Variants in JAZF1 observed in about 807,000 individuals in gnomAD.
The protein encoded by JAZF1 is juxtaposed with another zinc finger protein 1.
A neutral mutation model predicts 26.4 loss-of-function variants in JAZF1; 8 were observed. That is an observed-to-expected ratio of 0.30 (90% CI 0.18 to 0.55). JAZF1 has a LOEUF of 0.55. JAZF1 is among the 20% of genes least tolerant of loss of function. The pLI is 0.94. For synonymous variants in JAZF1, 126 were observed against 122.3 expected (o/e 1.03, Z -0.20); for missense variants, 199 against 322.0 (o/e 0.62, Z 2.92).
intron 1 of JAZF1, among the ~76,000 whole-genome samples, chr7:28,125,384 G>A (rs1782678682): frequency 6.6e-6 from 1 of 152,174 alleles, no homozygotes; most frequent in Admixed American, 6.5e-5. Context: ...GGGGGAAAAA[G>A]TGCAGCACAA....
chr7:28,120,520 T>TTTTTTC (rs1782584749), intron 1 of JAZF1, among the ~76,000 whole-genome samples: 1 of 97,576 alleles, frequency 1.0e-5, no homozygotes, highest in African/African-American at 4.9e-5. Flanking sequence ...TTTTTTTTTT[T>TTTTTTC]TTTTTTGAGA....
intron 1 of JAZF1, among the ~76,000 whole-genome samples, chr7:28,000,622 C>CTTTTTTTTTTTT (rs1190147547): frequency 1.6e-5 from 1 of 62,072 alleles, no homozygotes; most frequent in African/African-American, 4.1e-5. Flanking sequence ...TTCTTTCTTT[C>CTTTTTTTTTTTT]TTTTTTTTTT....
At chr7:28,039,507 A>G (rs527486102) in intron 1 of JAZF1, among the ~76,000 whole-genome samples, 1 of 152,296 alleles carries the variant, frequency 6.6e-6, no homozygotes, top group African/African-American at 2.4e-5. Flanking sequence ...GCAAATACCA[A>G]TATTATAACT....
chr7:28,006,976 G>A (rs1330806278), intron 1 of JAZF1, among the ~76,000 whole-genome samples: 1 of 152,062 alleles, frequency 6.6e-6, no homozygotes, highest in African/African-American at 2.4e-5. Flanking sequence ...GTTCTTGTAT[G>A]ACCCAACATC....
At chr7:28,070,503 C>G (rs1783959073) in intron 1 of JAZF1, among the ~76,000 whole-genome samples, 1 of 152,226 alleles carries the variant, frequency 6.6e-6, no homozygotes, top group Admixed American at 6.5e-5. Context: ...CCAAACAGAA[C>G]AGATGTTTCT....
chr7:28,080,959 G>A (rs1389066963), intron 1 of JAZF1, among the ~76,000 whole-genome samples: 1 of 151,800 alleles, frequency 6.6e-6, no homozygotes, highest in Non-Finnish European at 1.5e-5. Context: ...AAAATGCACT[G>A]TCTGCCAAGT....
At chr7:27,883,745 A>G (rs925775775) in intron 3 of JAZF1, among the ~76,000 whole-genome samples, 10 of 152,252 alleles carry the variant, frequency 6.6e-5, no homozygotes, top group Non-Finnish European at 1.3e-4. Flanking sequence ...TATCAGAAAC[A>G]CTTTCAGTCA....
intron 2 of JAZF1, among the ~76,000 whole-genome samples, chr7:27,980,337 A>G (rs1042504946): frequency 1.3e-5 from 2 of 152,240 alleles, no homozygotes; most frequent in Admixed American, 1.3e-4. Flanking sequence ...GCTGATGTCC[A>G]TTAAGTCATT....
At chr7:28,165,711 C>T (rs990178260) in intron 1 of JAZF1, among the ~76,000 whole-genome samples, 1 of 152,210 alleles carries the variant, frequency 6.6e-6, no homozygotes, top group African/African-American at 2.4e-5. Flanking sequence ...CATTCAGACC[C>T]CTTCTGAAAT....
intron 1 of JAZF1, among the ~76,000 whole-genome samples, chr7:28,103,103 G>T (rs1332765548): frequency 1.3e-5 from 2 of 152,120 alleles, no homozygotes; most frequent in African/African-American, 4.8e-5. Flanking sequence ...GGAACACTCT[G>T]CCTTGGCTTC....
intron 1 of JAZF1, among the ~76,000 whole-genome samples, chr7:28,099,673 T>C (rs1784440410): frequency 6.6e-6 from 1 of 152,038 alleles, no homozygotes; most frequent in African/African-American, 2.4e-5. Context: ...ACGGGATTTC[T>C]CCATGTTGGT....
chr7:27,975,987 T>A (rs1258767128), intron 2 of JAZF1, among the ~76,000 whole-genome samples: 1 of 152,202 alleles, frequency 6.6e-6, no homozygotes, highest in East Asian at 1.9e-4. Flanking sequence ...CTAATTCTGT[T>A]GGAGCAAGCC....
intron 1 of JAZF1, among the ~76,000 whole-genome samples, chr7:28,141,510 C>T (rs10260837): frequency 0.19 from 28,224 of 152,058 alleles, 3,312 homozygotes; most frequent in African/African-American, 0.31. Context: ...TCAACTTTTA[C>T]AGGATTGTAT....
At chr7:27,893,376 G>C (rs1784006306) in intron 3 of JAZF1, among the ~76,000 whole-genome samples, 1 of 152,166 alleles carries the variant, frequency 6.6e-6, no homozygotes, top group Non-Finnish European at 1.5e-5. Flanking sequence ...TTACAAGTGG[G>C]TTCTCTTTGC....
intron 1 of JAZF1, among the ~76,000 whole-genome samples, chr7:28,146,010 T>C (rs1562602553): frequency 6.6e-6 from 1 of 152,222 alleles, no homozygotes; most frequent in Non-Finnish European, 1.5e-5. Flanking sequence ...AATTTTCTAC[T>C]CTTCCTAGAA....
chr7:28,157,189 C>T (rs1052973629), intron 1 of JAZF1, among the ~76,000 whole-genome samples: 1 of 152,196 alleles, frequency 6.6e-6, no homozygotes, highest in Non-Finnish European at 1.5e-5. Context: ...CTCCTCAGCA[C>T]CCCCACAGCT....
intron 1 of JAZF1, among the ~76,000 whole-genome samples, chr7:28,143,256 A>G (rs140427459): frequency 1.3e-5 from 2 of 152,254 alleles, no homozygotes; most frequent in African/African-American, 4.8e-5. Flanking sequence ...CCTTCCTGAT[A>G]CTTGTGTGTC....
At chr7:28,074,927 G>A (rs1051739358) in intron 1 of JAZF1, among the ~76,000 whole-genome samples, 43 of 152,036 alleles carry the variant, frequency 2.8e-4, no homozygotes, top group African/African-American at 9.7e-4. Context: ...AACCATTAAC[G>A]ACAATAACAA....
At chr7:28,084,649 C>T (rs1784186015) in intron 1 of JAZF1, among the ~76,000 whole-genome samples, 2 of 152,214 alleles carry the variant, frequency 1.3e-5, no homozygotes, top group African/African-American at 2.4e-5. Context: ...GGTGACCCCA[C>T]CCCACAGCGG....
Sources: gnomAD v4.1 joint callset for allele counts (sites outside exome capture counted in the v4.1 genomes callset) on GRCh38, gnomAD v4.1.1 for gene constraint, MANE v1.5 for transcripts, NCBI Gene and HGNC (gene_info 2026-07-23, HGNC 2026-07-21) for gene names.